BAG4: variants seen among roughly 807,000 people sequenced by gnomAD.
BAG4 encodes the protein BAG family molecular chaperone regulator 4.
BAG4 carries 28 observed loss-of-function variants against 52.1 expected under a neutral mutation model. The ratio of observed to expected loss-of-function variants is 0.54; its 90% CI spans 0.40 to 0.74. The LOEUF (loss-of-function observed/expected upper bound fraction) is 0.74, where lower values mean the gene tolerates loss of function less well. Among genes scored for constraint, BAG4 ranks in the 30% least tolerant of loss-of-function variants. The pLI is 0.00. For synonymous variants in BAG4, 208 were observed against 217.0 expected (o/e 0.96, Z 0.37); for missense variants, 525 against 572.0 (o/e 0.92, Z 0.84).
At chr8:38,198,186 C>T (rs960943670) in intron 2 of BAG4, among the ~76,000 whole-genome samples, 3 of 151,288 alleles carry the variant, frequency 2.0e-5, no homozygotes, top group Non-Finnish European at 4.4e-5. Context: ...AAATCGAGAC[C>T]ATCCTGGCTA....
chr8:38,194,187 T>C (rs1305497656), intron 2 of BAG4, among the ~76,000 whole-genome samples: 1 of 152,134 alleles, frequency 6.6e-6, no homozygotes, highest in African/African-American at 2.4e-5. Context: ...TTATATTTAT[T>C]ACCCCATTTG....
At chr8:38,189,797 A>G (rs1421941101) in intron 1 of BAG4, among the ~76,000 whole-genome samples, 1 of 148,054 alleles carries the variant, frequency 6.8e-6, no homozygotes, top group East Asian at 1.9e-4. Context: ...GTTTTGCATA[A>G]AAGGTTAAAT....
At chr8:38,187,866 C>CAAAAAAAAAA (rs35690753) in intron 1 of BAG4, among the ~76,000 whole-genome samples, 13 of 55,660 alleles carry the variant, frequency 2.3e-4, no homozygotes, top group East Asian at 4.9e-4. Flanking sequence ...ACTAAAAATA[C>CAAAAAAAAAA]AAAAAAAAAA....
intron 2 of BAG4, 85 bp from the exon 3 acceptor site, chr8:38,207,427 A>G (rs1421763618): frequency 3.5e-6 from 5 of 1,443,996 alleles, no homozygotes; most frequent in Middle Eastern, 2.5e-4. Context: ...CATCTTCTCA[A>G]AGTTTTCAAG....
chr8:38,201,834 TTATATATATATATATA>T (rs1161588689), intron 2 of BAG4: 856 of 44,926 alleles, frequency 0.019, 17 homozygotes, highest in African/African-American at 0.021. Context: ...AGTGTGGAAT[TTATATATATATATATA>T]TATATATATA....
At chr8:38,181,886 CAAAAAAAAAAAA>C (rs34268146) in intron 1 of BAG4, among the ~76,000 whole-genome samples, 23 of 37,266 alleles carry the variant, frequency 6.2e-4, no homozygotes, top group East Asian at 3.4e-3. Context: ...GAGACTATCT[CAAAAAAAAAAAA>C]AAAAAAAAAA....
intron 1 of BAG4, among the ~76,000 whole-genome samples, chr8:38,190,740 GC>G (rs1803460079): frequency 6.7e-6 from 1 of 148,968 alleles, no homozygotes. Flanking sequence ...ACTGCGCCCA[GC>G]CCAAGTTGGT....
intron 2 of BAG4, among the ~76,000 whole-genome samples, chr8:38,194,850 T>G (rs571779743): frequency 2.4e-4 from 36 of 149,714 alleles, no homozygotes; most frequent in South Asian, 4.2e-4. Flanking sequence ...TTTTTTTGTT[T>G]TTTTTTTTTT....
intron 1 of BAG4, among the ~76,000 whole-genome samples, chr8:38,185,933 A>C (rs1433018080): frequency 6.6e-6 from 1 of 152,166 alleles, no homozygotes; most frequent in African/African-American, 2.4e-5. Context: ...ATTTGAACTA[A>C]AAGCTCCTCC....
rs772558622 is a variant in BAG4 at position 38,209,269 on chromosome 8, T to C, written c.888+2T>C. 6.2e-7 allele frequency: 1 copy of C among 1,614,104 alleles called. No homozygotes were observed. The highest frequency in any genetic ancestry group is 1.1e-5 in the South Asian group (1 of 91,078). ...TCACCCCCAGTCCAGCAGCCCAAGG[T>C]AGGAGACCTAAATGTTGTTCCTTTA... On this transcript the variant is annotated splice_donor_variant, in intron 4 of 4. Transcript: ENST00000287322. LOFTEE classifies it high-confidence loss of function.
intron 1 of BAG4, among the ~76,000 whole-genome samples, chr8:38,187,866 CAAA>C (rs35690753): frequency 5.3e-5 from 3 of 56,108 alleles, no homozygotes; most frequent in African/African-American, 2.2e-4. Context: ...ACTAAAAATA[CAAA>C]AAAAAAAAAA....
At position 38,211,904 on chromosome 8, in the gene BAG4, C is replaced by T. The variant is rs1803873590; in HGVS notation, c.*1411C>T. ...ACAATATTGGTTCTTGGAAAAATAG[C>T]TGTTTCTTCATAAGATACCCAAGTG... is the stretch of plus-strand genomic sequence containing the variant. On this transcript the variant is annotated 3_prime_UTR_variant, in exon 5 of 5. Transcript: ENST00000287322. 1 of 152,022 alleles carries T rather than the reference C, an allele frequency of 6.6e-6. No individual in the cohort carries two copies. The highest frequency in any genetic ancestry group is 1.5e-5 in the Non-Finnish European group (1 of 67,978). 9.4% of individuals were successfully genotyped at this position (152,022 alleles called of 1,614,324 possible).
Position 38,212,785 on chromosome 8 carries a change from A to C in BAG4, c.*2292A>C, listed in dbSNP as rs182385280. ...CTTGTAATTATTGAATATTTGCTGG[A>C]GATACCCGGAGACTATGCAAATGTC... On this transcript the variant is annotated 3_prime_UTR_variant, in exon 5 of 5. Transcript: ENST00000287322. 5.3e-5 allele frequency: 8 copies of C among 152,302 alleles called. No individual in the cohort carries two copies. In the East Asian group the frequency reaches 1.3e-3, roughly 26 times the overall value. The allele number at this position is 152,302 out of a possible 1,614,324, so 9.4% of individuals were successfully genotyped here.
In BAG4 at chr8:38,210,314, G is replaced by C; in HGVS notation, c.1195G>C (p.Glu399Gln). 1 of 1,614,060 alleles carries C rather than the reference G, an allele frequency of 6.2e-7. No homozygotes were observed. The highest frequency in any genetic ancestry group is 8.5e-7 in the Non-Finnish European group (1 of 1,180,032). The change falls in exon 5 of 5, where the codon GAA becomes CAA. Residue 399 changes from glutamate (E) to glutamine (Q), a missense_variant. Coordinates refer to ENST00000287322, the MANE Select transcript of BAG4 (RefSeq NM_004874.4). ...CCAGTATCTTGAACAAGAAGTAGAA[G>C]AATTTGTAGGAAAAAAGACAGACAA... is the stretch of plus-strand genomic sequence containing the variant. ...KVQYLEQEVE[E>Q]FVGKKTDKAY...
At chr8:38,185,936 G>A (rs1286939478) in intron 1 of BAG4, among the ~76,000 whole-genome samples, 1 of 152,164 alleles carries the variant, frequency 6.6e-6, no homozygotes, top group African/African-American at 2.4e-5. Flanking sequence ...TGAACTAAAA[G>A]CTCCTCCATC....
chr8:38,177,909 G>C (rs1803192991), intron 1 of BAG4, among the ~76,000 whole-genome samples: 2 of 152,094 alleles, frequency 1.3e-5, no homozygotes, highest in Non-Finnish European at 2.9e-5. Context: ...GTTCGTTCAA[G>C]AATTATCCTC....
At chr8:38,177,857 T>C (rs762143482) in intron 1 of BAG4, among the ~76,000 whole-genome samples, 9 of 152,210 alleles carry the variant, frequency 5.9e-5, no homozygotes, top group Non-Finnish European at 1.3e-4. Flanking sequence ...TACAGTCTTC[T>C]GGGTAGTGGG....
At chr8:38,209,680 G>T (rs545691037) in intron 4 of BAG4, 2 of 358,598 alleles carry the variant, frequency 5.6e-6, no homozygotes, top group East Asian at 1.1e-4. Context: ...CTTGCTTGAG[G>T]TTTTTAACCT....
chr8:38,192,313 G>T (rs1365906363), intron 1 of BAG4, among the ~76,000 whole-genome samples: 1 of 152,216 alleles, frequency 6.6e-6, no homozygotes, highest in Non-Finnish European at 1.5e-5. Context: ...AGCATTTGGT[G>T]TGGTGGCATT....
Sources: allele counts gnomAD v4.1 joint callset (sites outside exome capture counted in the v4.1 genomes callset), GRCh38; gene constraint gnomAD v4.1.1; transcripts MANE v1.5; gene names NCBI Gene and HGNC (gene_info 2026-07-23, HGNC 2026-07-21).